Variants in SNTN observed in about 807,000 individuals in gnomAD.
The protein encoded by SNTN is sentan, cilia apical structure protein.
In SNTN, 13 loss-of-function variants were observed where a neutral mutation model predicts 12.3. The observed-to-expected ratio is 1.05, with a 90% CI of 0.69 to 1.67. The LOEUF (loss-of-function observed/expected upper bound fraction) is 1.67. SNTN is among the 40% of genes most tolerant of loss of function. SNTN has a pLI of 0.00. For missense variants in SNTN, 189 were observed against 169.8 expected (o/e 1.11, Z -0.63); for synonymous variants, 69 against 58.5 (o/e 1.18, Z -0.82).
At chr3:63,654,340 G>A (rs1469729664) in intron 1 of SNTN, among the ~76,000 whole-genome samples, 1 of 152,164 alleles carries the variant, frequency 6.6e-6, no homozygotes, top group Non-Finnish European at 1.5e-5. Flanking sequence ...GGAGTTCCAG[G>A]TCTGTGACTG....
chr3:63,659,851 G>T lies in SNTN; in HGVS notation c.272G>T (p.Arg91Met). ...IAKDLLQTQF[R>M]NFAEGQETKP... ...AAAGATCTGCTGCAAACCCAATTTA[G>T]GAATTTCGCAGAGGTGAGAGAATTA... is the stretch of plus-strand genomic sequence containing the variant. Residue 91 changes from arginine to methionine, a missense_variant, in exon 3 of 4, where the codon AGG becomes ATG. By Grantham distance (91) the Arg-to-Met change is moderately conservative (BLOSUM62 -1). Coordinates refer to ENST00000343837, the MANE Select transcript of SNTN (RefSeq NM_001080537.2). The T allele has an allele frequency of 6.2e-7, 1 of 1,613,832 alleles. No individual in the cohort carries two copies. The highest frequency in any genetic ancestry group is 8.5e-7 in the Non-Finnish European group (1 of 1,179,898).
rs531063301 is a variant in SNTN, at chr3:63,661,723, A to G, written c.285+1859A>G. 2.0e-5 allele frequency among the ~76,000 whole-genome samples: 3 copies of G among 151,998 alleles called. No homozygotes were observed. The East Asian group carries it at 5.8e-4, about 29-fold the overall frequency. On this transcript the variant is annotated intron_variant, in intron 3 of 3. Coordinates refer to ENST00000343837, the MANE Select transcript of SNTN (RefSeq NM_001080537.2). The stretch of plus-strand genomic sequence containing the variant: ...CAGGCAGAATTTATCAAGAGATAAC[A>G]AGTTTTGGGGAGTCTAAGGAAAGGA...
chr3:63,663,142 A>G (rs1270493570), intron 3 of SNTN, among the ~76,000 whole-genome samples: 3 of 152,216 alleles, frequency 2.0e-5, no homozygotes, highest in Admixed American at 6.5e-5. Flanking sequence ...ATTTAAAAAC[A>G]TAATATGTGT....
At chr3:63,655,449 T>C (rs769157688) in intron 2 of SNTN, among the ~76,000 whole-genome samples, 1 of 152,214 alleles carries the variant, frequency 6.6e-6, no homozygotes, top group African/African-American at 2.4e-5. Flanking sequence ...AAAGAGACTC[T>C]GTAATTTTAT....
chr3:63,661,931 A>T (rs1700747973), intron 3 of SNTN, among the ~76,000 whole-genome samples: 1 of 152,152 alleles, frequency 6.6e-6, no homozygotes, highest in African/African-American at 2.4e-5. Context: ...TCCCTCTCAG[A>T]ACACCAGGGG....
At chr3:63,655,215 C>T (rs77920141) in intron 2 of SNTN, among the ~76,000 whole-genome samples, 4 of 152,006 alleles carry the variant, frequency 2.6e-5, no homozygotes, top group South Asian at 2.1e-4. Context: ...GGCCACCTCT[C>T]GAAGTGTAAA....
At chr3:63,653,280 T>C (rs931802227) in intron 1 of SNTN, among the ~76,000 whole-genome samples, 3 of 152,092 alleles carry the variant, frequency 2.0e-5, no homozygotes, top group East Asian at 3.9e-4. Context: ...AACTGCATGA[T>C]TCTTTCTTCT....
At chr3:63,658,938 T>C (rs976360511) in intron 2 of SNTN, among the ~76,000 whole-genome samples, 3 of 152,136 alleles carry the variant, frequency 2.0e-5, no homozygotes, top group Non-Finnish European at 4.4e-5. Flanking sequence ...GGGAATACAG[T>C]GATTTTAAGA....
intron 2 of SNTN, among the ~76,000 whole-genome samples, chr3:63,658,406 A>ATG (rs1325477829): frequency 1.3e-5 from 1 of 77,546 alleles, no homozygotes; most frequent in Non-Finnish European, 2.8e-5. Context: ...TTGTAAATAT[A>ATG]TATATATATA....
intron 3 of SNTN, among the ~76,000 whole-genome samples, chr3:63,660,916 C>A (rs1052869938): frequency 2.0e-5 from 3 of 152,198 alleles, no homozygotes; most frequent in African/African-American, 7.2e-5. Context: ...TACTACCTTA[C>A]TCACCTAAGG....
intron 3 of SNTN, 81 bp from the exon 4 acceptor site, chr3:63,663,856 C>A: frequency 6.7e-7 from 1 of 1,502,386 alleles, no homozygotes. Flanking sequence ...CAACACTAAA[C>A]AGACTAAGAC....
At position 63,654,806 on chromosome 3, in the gene SNTN, A is replaced by T. The variant is rs990118392; in HGVS notation, c.145+10A>T. The T allele has an allele frequency of 6.2e-7, 1 of 1,611,340 alleles. No homozygotes were observed. The highest frequency in any genetic ancestry group is 1.3e-5 in the African/African-American group (1 of 74,862). On this transcript the variant is annotated intron_variant, in intron 2 of 3. Coordinates refer to ENST00000343837, the MANE Select transcript of SNTN (RefSeq NM_001080537.2). ...CTGGCTTCAGTGAAAGGTAAGGCACAGATGACGCAGATGTACATTTTTCTC... is the reference window on the plus strand; with the variant it reads ...CTGGCTTCAGTGAAAGGTAAGGCACTGATGACGCAGATGTACATTTTTCTC...
At chr3:63,653,019 T>C (rs940744121) in intron 1 of SNTN, among the ~76,000 whole-genome samples, 8 of 152,222 alleles carry the variant, frequency 5.3e-5, no homozygotes, top group African/African-American at 1.9e-4. Flanking sequence ...TATCTTTGAT[T>C]GCCTCTTGAG....
At chr3:63,659,667 T>A in intron 2 of SNTN, 58 bp from the exon 3 acceptor site, 3 of 1,600,982 alleles carry the variant, frequency 1.9e-6, no homozygotes, top group South Asian at 2.2e-5. Context: ...CAACAGCAGG[T>A]CTGGGGAAGG....
At chr3:63,663,146 T>C (rs556027481) in intron 3 of SNTN, among the ~76,000 whole-genome samples, 4 of 152,240 alleles carry the variant, frequency 2.6e-5, no homozygotes, top group African/African-American at 9.6e-5. Context: ...AAAAACATAA[T>C]ATGTGTGTTC....
intron 2 of SNTN, among the ~76,000 whole-genome samples, chr3:63,656,800 A>C (rs1213295289): frequency 1.3e-5 from 2 of 152,326 alleles, no homozygotes; most frequent in East Asian, 3.9e-4. Flanking sequence ...GGAGTTTGGG[A>C]AAGAGTCCTG....
At chr3:63,655,553 C>A (rs988237192) in intron 2 of SNTN, among the ~76,000 whole-genome samples, 4 of 152,272 alleles carry the variant, frequency 2.6e-5, no homozygotes, top group African/African-American at 9.6e-5. Context: ...CAACTTCAGG[C>A]ACTTTTGAGA....
In SNTN at chr3:63,664,628, C is replaced by G. The variant is rs1700781066; in HGVS notation, c.*533C>G. 6.6e-6 allele frequency: 1 copy of G among 151,046 alleles called. No individual in the cohort carries two copies. The highest frequency in any genetic ancestry group is 2.1e-4 in the South Asian group (1 of 4,800). The allele number at this position is 151,046 out of a possible 1,614,324, so 9.4% of individuals were successfully genotyped here. On this transcript the variant is annotated 3_prime_UTR_variant, in exon 4 of 4. Transcript: ENST00000343837. The stretch of plus-strand genomic sequence containing the variant: ...GATCGGAGTTCAAAGGTCAGAAAAG[C>G]TTTACTGACATTCTATAAAAAGCAA...
chr3:63,654,720 C>G (rs1192226046), intron 1 of SNTN, 42 bp from the exon 2 acceptor site: 1 of 1,591,118 alleles, frequency 6.3e-7, no homozygotes, highest in Non-Finnish European at 8.6e-7. Context: ...TATCAATACC[C>G]CAACTCCCAG....
Sources: allele counts gnomAD v4.1 joint callset (sites outside exome capture counted in the v4.1 genomes callset), GRCh38; gene constraint gnomAD v4.1.1; transcripts MANE v1.5; gene names NCBI Gene and HGNC (gene_info 2026-07-23, HGNC 2026-07-21).